MCPH1: variants seen among roughly 807,000 people sequenced by gnomAD.
MCPH1 encodes microcephalin 1.
MCPH1 carries 104 observed loss-of-function variants against 84.5 expected under a neutral mutation model. The ratio of observed to expected loss-of-function variants is 1.23; its 90% confidence interval spans 1.05 to 1.45. MCPH1 has a LOEUF of 1.45. Ranked by LOEUF, MCPH1 falls within the 40% of genes most tolerant of loss-of-function variation. MCPH1 has a pLI of 0.00. For synonymous variants in MCPH1, 514 were observed against 366.8 expected (o/e 1.40, Z -4.58); for missense variants, 1,498 against 1,005.7 (o/e 1.49, Z -6.62).
chr8:6,509,567 A>T lies in MCPH1; in HGVS notation c.2214+9638A>T, dbSNP rs537807441. On this transcript the variant is annotated intron_variant, in intron 12 of 13. Coordinates refer to ENST00000344683, the MANE Select transcript of MCPH1 (RefSeq NM_024596.5). ...GCTGAAAATAAATCCTTGTGGCTAC[A>T]TTTCCTCATGTCTGTATAGTAGGGT... Among the ~76,000 whole-genome samples, 14 of 152,240 alleles carry T rather than the reference A, an allele frequency of 9.2e-5. No individual in the cohort carries two copies. In the South Asian group the frequency reaches 2.9e-3, roughly 32 times the overall value.
intron 9 of MCPH1, among the ~76,000 whole-genome samples, chr8:6,466,581 A>G (rs1430848356): frequency 6.6e-6 from 1 of 152,150 alleles, no homozygotes; most frequent in Non-Finnish European, 1.5e-5. Flanking sequence ...TGCTGGGATT[A>G]CAGGCATGAG....
chr8:6,513,555 A>G (rs2442629), intron 12 of MCPH1: 245,001 of 623,078 alleles, frequency 0.39, 51,314 homozygotes, highest in Middle Eastern at 0.5. Flanking sequence ...GGATGGTCTC[A>G]ATCTCCTGAC....
intron 12 of MCPH1, among the ~76,000 whole-genome samples, chr8:6,568,549 G>C (rs1826407094): frequency 6.6e-6 from 1 of 152,192 alleles, no homozygotes; most frequent in African/African-American, 2.4e-5. Flanking sequence ...CCACCAGCCT[G>C]ACCCAGGCCC....
At chr8:6,441,768 C>A (rs1008742836) in intron 6 of MCPH1, among the ~76,000 whole-genome samples, 13 of 152,302 alleles carry the variant, frequency 8.5e-5, no homozygotes, top group Admixed American at 7.2e-4. Flanking sequence ...TCTGCTGGGA[C>A]CCCAACGTCA....
intron 13 of MCPH1, among the ~76,000 whole-genome samples, chr8:6,633,384 TAAAC>T: frequency 6.6e-6 from 1 of 152,324 alleles, no homozygotes; most frequent in East Asian, 1.9e-4. Context: ...TACCCAATGA[TAAAC>T]AATTATAAAA....
At chr8:6,468,646 G>GT (rs57281899) in intron 9 of MCPH1, among the ~76,000 whole-genome samples, 36,976 of 132,662 alleles carry the variant, frequency 0.28, 5,398 homozygotes, top group East Asian at 0.47. Flanking sequence ...CATTTTTTTG[G>GT]TTTTTTTTTT....
At chr8:6,429,674 A>G (rs1216796196) in intron 3 of MCPH1, among the ~76,000 whole-genome samples, 1 of 152,156 alleles carries the variant, frequency 6.6e-6, no homozygotes, top group East Asian at 1.9e-4. Flanking sequence ...TAAGTCCACC[A>G]GATTTAACCA....
intron 13 of MCPH1, chr8:6,626,182 C>T (rs532843211): frequency 8.1e-6 from 8 of 985,332 alleles, no homozygotes; most frequent in Admixed American, 1.2e-4. Context: ...TCAGCTCGCC[C>T]GCCACCCCAG....
intron 9 of MCPH1, among the ~76,000 whole-genome samples, chr8:6,458,955 T>G (rs1805985602): frequency 6.6e-6 from 1 of 152,204 alleles, no homozygotes; most frequent in South Asian, 2.1e-4. Flanking sequence ...CCAGCAACAT[T>G]AAATTTTAAG....
chr8:6,472,583 C>T (rs995409419), intron 9 of MCPH1, among the ~76,000 whole-genome samples: 3 of 152,066 alleles, frequency 2.0e-5, no homozygotes, highest in African/African-American at 7.2e-5. Context: ...TCTCCTGCCC[C>T]AGCCTCCCAA....
chr8:6,443,951 C>G (rs2440416), intron 7 of MCPH1, among the ~76,000 whole-genome samples: 105,090 of 152,096 alleles, frequency 0.69, 39,838 homozygotes, highest in Non-Finnish European at 0.83. Flanking sequence ...GAGGACTTTA[C>G]TGGAAGACAG....
chr8:6,435,717 C>G (rs566941797), intron 4 of MCPH1, among the ~76,000 whole-genome samples: 50 of 152,222 alleles, frequency 3.3e-4, no homozygotes, highest in African/African-American at 1.2e-3. Flanking sequence ...CAAAGTTGAA[C>G]TAGATTGGGC....
chr8:6,425,479 C>A lies in MCPH1; in HGVS notation c.234-6020C>A, dbSNP rs145659927. ...TTGGCATGCAGAACGGCATTACCAG[C>A]AGTAAGTGCCACTTACTTCTTCATA... On this transcript the variant is annotated intron_variant, in intron 3 of 13. Transcript: ENST00000344683. Among the ~76,000 whole-genome samples, 178 of 152,278 alleles carry A rather than the reference C, an allele frequency of 1.2e-3. 3 individuals are homozygous for A. The East Asian group carries it at 0.029, about 25-fold the overall frequency.
Position 6,625,725 on chromosome 8 carries a change from G to A in MCPH1, c.2452+4034G>A, listed in dbSNP as rs929317975. ...CTTGAGCCCATAAGTTCAAGGCTGC[G>A]GTGAGCAACGATCCCACCACTGTAC... On this transcript the variant is annotated intron_variant, in intron 13 of 13. Coordinates refer to ENST00000344683, the MANE Select transcript of MCPH1 (RefSeq NM_024596.5). The A allele has an allele frequency of 4.1e-5, 40 of 976,296 alleles. No homozygotes were observed. The East Asian group carries it at 1.3e-3, about 31-fold the overall frequency. The allele number at this position is 976,296 out of a possible 1,614,324, so 60.5% of individuals were successfully genotyped here.
At chr8:6,460,684 T>C (rs898534212) in intron 9 of MCPH1, among the ~76,000 whole-genome samples, 5 of 152,188 alleles carry the variant, frequency 3.3e-5, no homozygotes, top group Non-Finnish European at 7.3e-5. Context: ...ATATCTAATA[T>C]GCCTGGTTAG....
intron 9 of MCPH1, among the ~76,000 whole-genome samples, chr8:6,468,503 G>C (rs1342643258): frequency 6.6e-6 from 1 of 152,184 alleles, no homozygotes; most frequent in Non-Finnish European, 1.5e-5. Context: ...CAAGGAGCTA[G>C]GTGCATGTGT....
intron 3 of MCPH1, among the ~76,000 whole-genome samples, chr8:6,425,467 C>T (rs771416832): frequency 6.6e-5 from 10 of 152,150 alleles, no homozygotes; most frequent in Non-Finnish European, 1.0e-4. Context: ...GCATGCAGAA[C>T]GGCATTACCA....
chr8:6,467,757 C>G (rs1261205244), intron 9 of MCPH1, among the ~76,000 whole-genome samples: 1 of 152,108 alleles, frequency 6.6e-6, no homozygotes, highest in Non-Finnish European at 1.5e-5. Context: ...CCACCATGCT[C>G]AGCTAATTTT....
Position 6,609,656 on chromosome 8 carries a change from T to C in MCPH1, c.2215-11798T>C, listed in dbSNP as rs114766636. Among the ~76,000 whole-genome samples, 201 of 152,342 alleles carry C rather than the reference T, an allele frequency of 1.3e-3. 1 individual carries two copies. The highest frequency in any genetic ancestry group is 4.7e-3 in the African/African-American group (195 of 41,580). On this transcript the variant is annotated intron_variant, in intron 12 of 13. Transcript: ENST00000344683. Reference sequence around the variant, plus strand: ...TTTGGAAAAGCTAAGCCGGGAGCGATTATCCTGATGCGCTTTTACTTTTTG... The same window carrying C: ...TTTGGAAAAGCTAAGCCGGGAGCGACTATCCTGATGCGCTTTTACTTTTTG...
Sources: gnomAD v4.1 joint callset for allele counts (sites outside exome capture counted in the v4.1 genomes callset) on GRCh38, gnomAD v4.1.1 for gene constraint, MANE v1.5 for transcripts, NCBI Gene and HGNC (gene_info 2026-07-23, HGNC 2026-07-21) for gene names.